The following DOCK3 variants were observed in gnomAD, a reference collection of about 807,000 sequenced individuals.
DOCK3 encodes the protein dedicator of cytokinesis 3.
A neutral mutation model predicts 265.6 loss-of-function variants in DOCK3; 60 were observed. That is an observed-to-expected ratio of 0.23 (90% CI 0.18 to 0.28). DOCK3 has a LOEUF of 0.28. DOCK3 is among the 10% of genes least tolerant of loss of function. The pLI is 1.00. For missense variants in DOCK3, 1,981 were observed against 2,594.3 expected (o/e 0.76, Z 5.14); for synonymous variants, 881 against 938.0 (o/e 0.94, Z 1.11).
chr3:50,765,741 A>G (rs909028726), intron 1 of DOCK3, among the ~76,000 whole-genome samples: 2 of 152,190 alleles, frequency 1.3e-5, no homozygotes, highest in Non-Finnish European at 2.9e-5. Flanking sequence ...CATCACCTCA[A>G]GCACTTGTCA....
At chr3:50,757,368 C>T (rs1456287126) in intron 1 of DOCK3, among the ~76,000 whole-genome samples, 4 of 151,112 alleles carry the variant, frequency 2.6e-5, no homozygotes, top group Non-Finnish European at 4.4e-5. Flanking sequence ...GGCAGGATTT[C>T]ACCATGTTGG....
intron 21 of DOCK3, among the ~76,000 whole-genome samples, chr3:51,239,797 A>G (rs2078526919): frequency 6.6e-6 from 1 of 151,470 alleles, no homozygotes; most frequent in Non-Finnish European, 1.5e-5. Flanking sequence ...GGTCAAAGGG[A>G]ATATCCCCCT....
chr3:50,739,959 C>T (rs999760589), intron 1 of DOCK3, among the ~76,000 whole-genome samples: 1 of 152,086 alleles, frequency 6.6e-6, no homozygotes, highest in Non-Finnish European at 1.5e-5. Flanking sequence ...TCACTGTAAT[C>T]ACTCCCAGAA....
Position 50,675,126 on chromosome 3 carries a change from G to T in DOCK3, c.-138G>T. The T allele has an allele frequency of 2.0e-6, 1 of 501,380 alleles. No homozygotes were observed. The highest frequency in any genetic ancestry group is 2.6e-6 in the Non-Finnish European group (1 of 384,098). 31.1% of individuals were successfully genotyped at this position (501,380 alleles called of 1,614,324 possible). A position where few individuals can be genotyped will look rare whatever the true frequency, so the allele number is the denominator to read the frequency against. On this transcript the variant is annotated 5_prime_UTR_variant, in exon 1 of 53. Coordinates refer to ENST00000266037, the MANE Select transcript of DOCK3 (RefSeq NM_004947.5). This position sits in a 1 kb window ranked among gnomAD's most constrained non-coding sequence, Gnocchi z 6.1. ...GGCGGCGGCATCCCGGACGGCCTGT[G>T]AGGGATGCGCCGCCCACTGCCCCGC...
intron 3 of DOCK3, among the ~76,000 whole-genome samples, chr3:50,878,207 A>G (rs1426531751): frequency 2.0e-5 from 3 of 152,240 alleles, no homozygotes; most frequent in Admixed American, 2.0e-4. Flanking sequence ...TCTAAAAATC[A>G]GAGCGTCTCT....
At position 50,884,809 on chromosome 3, in the gene DOCK3, C is replaced by T. The variant is rs576051704; in HGVS notation, c.163-5217C>T. Among the ~76,000 whole-genome samples, 9 of 151,936 alleles carry T rather than the reference C, an allele frequency of 5.9e-5. No individual in the cohort carries two copies. In the South Asian group the frequency reaches 6.2e-4, roughly 11 times the overall value. ...GCAGAAAGTACAGGGTTTTCCTCCC[C>T]GCCCCCCACAGTTTTCCTATTATTA... On this transcript the variant is annotated intron_variant, in intron 3 of 52. Coordinates refer to ENST00000266037, the MANE Select transcript of DOCK3 (RefSeq NM_004947.5).
At chr3:50,687,907 T>C (rs2034945284) in intron 1 of DOCK3, among the ~76,000 whole-genome samples, 1 of 152,196 alleles carries the variant, frequency 6.6e-6, no homozygotes, top group African/African-American at 2.4e-5. Flanking sequence ...CTCCTGAAAA[T>C]ATATCGCACA....
chr3:51,268,870 CT>C (rs910966328), intron 23 of DOCK3, among the ~76,000 whole-genome samples: 1 of 152,092 alleles, frequency 6.6e-6, no homozygotes, highest in Non-Finnish European at 1.5e-5. Flanking sequence ...GCTCATCTTC[CT>C]TTTTGATTCC....
At chr3:50,994,100 G>A (rs774801200) in intron 5 of DOCK3, among the ~76,000 whole-genome samples, 1 of 152,160 alleles carries the variant, frequency 6.6e-6, no homozygotes, top group Non-Finnish European at 1.5e-5. Flanking sequence ...TGAGTGGCAG[G>A]ACTGAGAGAC....
At chr3:50,974,555 G>A (rs1192602251) in intron 5 of DOCK3, among the ~76,000 whole-genome samples, 2 of 151,538 alleles carry the variant, frequency 1.3e-5, no homozygotes, top group African/African-American at 2.4e-5. Flanking sequence ...TTGTAGTATA[G>A]TTTGAAGTCA....
At chr3:51,164,336 A>T (rs1167584994) in intron 12 of DOCK3, among the ~76,000 whole-genome samples, 1 of 152,124 alleles carries the variant, frequency 6.6e-6, no homozygotes, top group African/African-American at 2.4e-5. Context: ...AAATAAAGAG[A>T]TTCAGGCCGG....
At chr3:50,763,361 A>G (rs1420843733) in intron 1 of DOCK3, among the ~76,000 whole-genome samples, 1 of 151,966 alleles carries the variant, frequency 6.6e-6, no homozygotes, top group Non-Finnish European at 1.5e-5. Context: ...GGCTCCCTGC[A>G]ACTTCTGCTT....
intron 27 of DOCK3, among the ~76,000 whole-genome samples, chr3:51,282,304 C>T (rs375690145): frequency 1.5e-4 from 23 of 150,752 alleles, no homozygotes; most frequent in South Asian, 4.3e-4. Flanking sequence ...CTGATTATAT[C>T]CATCTTAAAA....
chr3:51,004,990 G>C lies in DOCK3; in HGVS notation c.316-59458G>C, dbSNP rs1434848068. ...CATTTAAGATTGGTGGAGCAACTAA[G>C]TCTTATTATTTCTTGATTTATATGT... On this transcript the variant is annotated intron_variant, in intron 5 of 52. Coordinates refer to ENST00000266037, the MANE Select transcript of DOCK3 (RefSeq NM_004947.5). 3.3e-5 allele frequency among the ~76,000 whole-genome samples: 5 copies of C among 150,506 alleles called. No individual in the cohort carries two copies. In the East Asian group the frequency reaches 7.8e-4, roughly 23 times the overall value.
At chr3:50,760,870 C>A (rs549307589) in intron 1 of DOCK3, among the ~76,000 whole-genome samples, 25 of 151,978 alleles carry the variant, frequency 1.6e-4, no homozygotes, top group African/African-American at 6.0e-4. Context: ...CAAGCTCCGC[C>A]TCCTGGGTTC....
At chr3:50,851,253 C>T (rs1305586600) in intron 3 of DOCK3, among the ~76,000 whole-genome samples, 4 of 152,088 alleles carry the variant, frequency 2.6e-5, no homozygotes, top group African/African-American at 9.7e-5. Context: ...GGCCCCTTTG[C>T]ACCAGGATTT....
At chr3:50,942,858 T>G (rs2076331590) in intron 5 of DOCK3, among the ~76,000 whole-genome samples, 1 of 152,020 alleles carries the variant, frequency 6.6e-6, no homozygotes, top group Admixed American at 6.6e-5. Flanking sequence ...TGATGAAAAT[T>G]TAGCATTTGA....
In DOCK3 at chr3:50,803,064, T is replaced by G. The variant is rs181161716; in HGVS notation, c.121+24306T>G. 4.8e-4 allele frequency among the ~76,000 whole-genome samples: 73 copies of G among 150,860 alleles called. 1 individual carries two copies. Among genetic ancestry groups the G allele is most frequent in the South Asian group, 1.9e-3 (9 of 4,794 alleles). ...AGATTTTATGTATTTATGTATTTATTTATTTATTTATTTATTTATTTTAGT... is the reference window on the plus strand; with the variant it reads ...AGATTTTATGTATTTATGTATTTATGTATTTATTTATTTATTTATTTTAGT... On this transcript the variant is annotated intron_variant, in intron 2 of 52. Transcript: ENST00000266037.
intron 5 of DOCK3, among the ~76,000 whole-genome samples, chr3:50,961,406 G>A (rs2108390227): frequency 6.6e-6 from 1 of 152,310 alleles, no homozygotes; most frequent in Non-Finnish European, 1.5e-5. Context: ...AGGGCTGGTG[G>A]TGCATTGCTA....
Sources: allele counts gnomAD v4.1 joint callset (sites outside exome capture counted in the v4.1 genomes callset), GRCh38; gene constraint gnomAD v4.1.1; non-coding constraint Gnocchi (gnomAD v3.1); transcripts MANE v1.5; gene names NCBI Gene and HGNC (gene_info 2026-07-23, HGNC 2026-07-21).